CDH13: variants seen among roughly 807,000 people sequenced by gnomAD.
CDH13 encodes cadherin-13.
CDH13 carries 24 observed loss-of-function variants against 63.8 expected under a neutral mutation model. The ratio of observed to expected loss-of-function variants is 0.38; its 90% CI spans 0.27 to 0.53. The LOEUF (loss-of-function observed/expected upper bound fraction) is 0.53, where lower values mean the gene tolerates loss of function less well. Ranked by LOEUF, CDH13 falls within the 20% of genes least tolerant of loss-of-function variation. CDH13 has a pLI of 0.85. For missense variants in CDH13, 1,049 were observed against 903.1 expected, an observed-to-expected ratio of 1.16 and a Z score of -2.07; for synonymous variants, 503 against 355.3, an observed-to-expected ratio of 1.42 and a Z score of -4.67.
chr16:82,830,697 C>T lies in CDH13; in HGVS notation c.46-27665C>T, dbSNP rs556398685. ...CATGGACTATGTCTGTTTCTTCTAG[C>T]GCTTCATAGCTGTATTGACACATGT... On this transcript the variant is annotated intron_variant, in intron 1 of 13. Coordinates refer to ENST00000567109, the MANE Select transcript of CDH13 (RefSeq NM_001257.5). Among the ~76,000 whole-genome samples the T allele has an allele frequency of 4.7e-4, 72 of 152,296 alleles. No individual in the cohort carries two copies. The Middle Eastern group carries it at 0.01, about 22-fold the overall frequency.
At chr16:83,558,464 C>G (rs557308981) in intron 7 of CDH13, among the ~76,000 whole-genome samples, 3 of 152,338 alleles carry the variant, frequency 2.0e-5, no homozygotes, top group South Asian at 4.1e-4. Flanking sequence ...GGTAGTATCA[C>G]TGGTGCCTTA....
Position 83,699,830 on chromosome 16 carries a change from C to G in CDH13, c.1538+21369C>G, listed in dbSNP as rs117340218. Among the ~76,000 whole-genome samples, 1,367 of 152,320 alleles carry G rather than the reference C, an allele frequency of 9.0e-3. 55 individuals carry two copies. Among genetic ancestry groups the G allele is most frequent in the Admixed American group, 0.066 (1,012 of 15,296 alleles). ...GCATCCCATCCGTCTGTATTTCTCA[C>G]AAGGCACATCATCCCAGCATGTACC... On this transcript the variant is annotated intron_variant, in intron 10 of 13. Coordinates refer to ENST00000567109, the MANE Select transcript of CDH13 (RefSeq NM_001257.5).
At chr16:83,275,094 C>T (rs554816493) in intron 5 of CDH13, among the ~76,000 whole-genome samples, 2 of 152,276 alleles carry the variant, frequency 1.3e-5, no homozygotes, top group East Asian at 1.9e-4. Flanking sequence ...GTCACTCCTA[C>T]TATATTCCCA....
chr16:82,643,905 C>G (rs1205933696), intron 1 of CDH13, among the ~76,000 whole-genome samples: 2 of 116,232 alleles, frequency 1.7e-5, no homozygotes, highest in Non-Finnish European at 3.7e-5. Context: ...GACCACCAGG[C>G]CCAGTTAATT....
rs80268540 is a variant in CDH13, at chr16:82,793,719, C to T, written c.46-64643C>T. Among the ~76,000 whole-genome samples the T allele has an allele frequency of 2.1e-3, 322 of 152,238 alleles. 4 individuals carry two copies. Among genetic ancestry groups the T allele is most frequent in the African/African-American group, 7.4e-3 (307 of 41,542 alleles). On this transcript the variant is annotated intron_variant, in intron 1 of 13. Transcript: ENST00000567109. ...GTCTGTGATGTAGATGACTGTGCTG[C>T]TCGAGATGCTTGCAATCAACAGGGC...
chr16:82,992,678 A>T (rs1473893361), intron 2 of CDH13, among the ~76,000 whole-genome samples: 2 of 152,212 alleles, frequency 1.3e-5, no homozygotes, highest in Non-Finnish European at 2.9e-5. Flanking sequence ...TAACTTCAAT[A>T]CTACATGACA....
intron 6 of CDH13, among the ~76,000 whole-genome samples, chr16:83,445,288 G>A (rs933363670): frequency 7.3e-6 from 1 of 136,126 alleles, no homozygotes; most frequent in Non-Finnish European, 1.7e-5. Flanking sequence ...ATTTATAAAA[G>A]GTTTTATAAA....
intron 1 of CDH13, among the ~76,000 whole-genome samples, chr16:82,812,373 G>C (rs2037491466): frequency 6.6e-6 from 1 of 152,158 alleles, no homozygotes; most frequent in South Asian, 2.1e-4. Context: ...TGAGCGAGAA[G>C]AGTGGTCAGC....
intron 4 of CDH13, among the ~76,000 whole-genome samples, chr16:83,163,071 C>A (rs755835353): frequency 9.9e-5 from 15 of 152,044 alleles, no homozygotes; most frequent in African/African-American, 3.4e-4. Flanking sequence ...AGTGAATAAG[C>A]CTCACAAGAT....
rs145865689 is a variant in CDH13 at position 83,728,342 on chromosome 16, C to CGTGTGTGT, written c.1539-19753_1539-19746dup. ...CTATGTGTGTATGTGTATGTGTGTG[C>CGTGTGTGT]GTGTGTGTGTGTGTGTGTGTTGTGA... On this transcript the variant is annotated intron_variant, in intron 10 of 13. Coordinates refer to ENST00000567109, the MANE Select transcript of CDH13 (RefSeq NM_001257.5). 5.8e-3 allele frequency among the ~76,000 whole-genome samples: 863 copies of CGTGTGTGT among 149,300 alleles called. 3 individuals carry two copies. The highest frequency in any genetic ancestry group is 0.012 in the African/African-American group (484 of 40,510).
chr16:83,675,235 C>A (rs6563964), intron 9 of CDH13, among the ~76,000 whole-genome samples: 13 of 152,178 alleles, frequency 8.5e-5, no homozygotes, highest in South Asian at 2.1e-4. Flanking sequence ...TACAGCACTC[C>A]GAGGGGATTA....
chr16:83,100,327 G>C (rs571358333), intron 3 of CDH13, among the ~76,000 whole-genome samples: 1 of 152,262 alleles, frequency 6.6e-6, no homozygotes, highest in South Asian at 2.1e-4. Context: ...AAGGGAAATA[G>C]GAAGTGTTGG....
intron 6 of CDH13, among the ~76,000 whole-genome samples, chr16:83,478,444 G>C (rs765254197): frequency 2.0e-5 from 3 of 151,996 alleles, no homozygotes; most frequent in Non-Finnish European, 4.4e-5. Context: ...CCTGTTAGAG[G>C]ACTGACCAAA....
intron 2 of CDH13, among the ~76,000 whole-genome samples, chr16:82,886,170 A>T (rs2040880100): frequency 1.3e-5 from 2 of 152,182 alleles, no homozygotes; most frequent in African/African-American, 4.8e-5. Context: ...TTATAATCAA[A>T]CTGTTATAGC....
chr16:83,478,605 A>C (rs2073673478), intron 6 of CDH13, among the ~76,000 whole-genome samples: 1 of 152,208 alleles, frequency 6.6e-6, no homozygotes, highest in South Asian at 2.1e-4. Context: ...GGGCCGCCAA[A>C]GGAGCAAGGG....
chr16:83,592,987 T>C (rs954321385), intron 7 of CDH13, among the ~76,000 whole-genome samples: 10 of 152,160 alleles, frequency 6.6e-5, no homozygotes, highest in African/African-American at 2.2e-4. Flanking sequence ...TCCTGCTGGA[T>C]TTATGGACTA....
rs535937177 is a variant in CDH13, at chr16:82,798,496, T to C, written c.46-59866T>C. Among the ~76,000 whole-genome samples the C allele has an allele frequency of 2.5e-4, 38 of 152,316 alleles. No individual in the cohort carries two copies. The South Asian group carries it at 4.6e-3, about 18-fold the overall frequency. On this transcript the variant is annotated intron_variant, in intron 1 of 13. Transcript: ENST00000567109. ...GTTATTACTCTCCAACCATCATTTC[T>C]AAGAGAATTGGTGTGTGAGGCTGAA...
At chr16:83,552,567 A>G (rs2075525458) in intron 7 of CDH13, among the ~76,000 whole-genome samples, 1 of 152,168 alleles carries the variant, frequency 6.6e-6, no homozygotes, top group Non-Finnish European at 1.5e-5. Flanking sequence ...GAAAGTGCAA[A>G]TTACTTTTTT....
intron 5 of CDH13, among the ~76,000 whole-genome samples, chr16:83,317,301 G>A (rs146575338): frequency 1.3e-5 from 2 of 152,238 alleles, no homozygotes; most frequent in Non-Finnish European, 2.9e-5. Context: ...TCTGTTGAAA[G>A]CCTTTGCTGG....
Sources: allele counts gnomAD v4.1 joint callset (sites outside exome capture counted in the v4.1 genomes callset), GRCh38; gene constraint gnomAD v4.1.1; transcripts MANE v1.5; gene names NCBI Gene and HGNC (gene_info 2026-07-23, HGNC 2026-07-21).